CPNE8: variants seen among roughly 807,000 people sequenced by gnomAD.
CPNE8 encodes copine-8.
Under a neutral mutation model 81.5 loss-of-function variants are expected in CPNE8, and 45 were observed. The ratio of observed to expected loss-of-function variants is 0.55; its 90% confidence interval spans 0.44 to 0.71. The LOEUF (loss-of-function observed/expected upper bound fraction) is 0.71, where lower values mean the gene tolerates loss of function less well. Ranked by LOEUF, CPNE8 falls within the 30% of genes least tolerant of loss-of-function variation. The probability of loss-of-function intolerance (pLI) is 0.00; values close to 1 mark genes in which losing one functional copy is unlikely to be tolerated. For missense variants in CPNE8, 594 were observed against 672.1 expected (o/e 0.88, Z 1.28); for synonymous variants, 252 against 226.3 (o/e 1.11, Z -1.02).
At chr12:38,679,714 T>A (rs1430069227) in intron 16 of CPNE8, 1 of 984,300 alleles carries the variant, frequency 1.0e-6, no homozygotes, top group Non-Finnish European at 1.2e-6. Context: ...TGAAAGTAAA[T>A]CTAAATTTCA....
chr12:38,742,117 G>A (rs1474220171), intron 10 of CPNE8, among the ~76,000 whole-genome samples: 5 of 152,132 alleles, frequency 3.3e-5, no homozygotes, highest in Admixed American at 6.5e-5. Context: ...TCAGTGTGGC[G>A]ATTCCTTAGG....
chr12:38,728,279 A>G (rs1032219762), intron 11 of CPNE8, among the ~76,000 whole-genome samples: 1 of 152,208 alleles, frequency 6.6e-6, no homozygotes, highest in African/African-American at 2.4e-5. Context: ...TTTATTAAAC[A>G]AAATCTTTAA....
intron 3 of CPNE8, among the ~76,000 whole-genome samples, chr12:38,857,216 C>A (rs1346513462): frequency 1.3e-5 from 2 of 152,016 alleles, no homozygotes; most frequent in African/African-American, 4.8e-5. Flanking sequence ...ATTATTCATG[C>A]CAATGTAGCC....
intron 10 of CPNE8, 52 bp from the exon 11 acceptor site, chr12:38,730,410 CTG>C: frequency 3.8e-6 from 4 of 1,054,156 alleles, no homozygotes; most frequent in Middle Eastern, 2.1e-4. Flanking sequence ...TATTTGTCAA[CTG>C]TATTTTAAAG....
Position 38,670,731 on chromosome 12 carries a change from G to C in CPNE8, c.1504C>G (p.Gln502Glu). Reference protein sequence around the residue: ...RGKYAERDIVQFVPFRDYIDR... With the variant: ...RGKYAERDIVEFVPFRDYIDR... ...GTAGGAAAAGGTTTATTTCTTACCT[G>C]CACAATGTCTCTTTCAGCATATTTT... Residue 502 changes from glutamine to glutamate, a missense_variant and splice_region_variant, in exon 19 of 20, where the codon CAG (glutamine) becomes GAG (glutamate). Coordinates refer to ENST00000331366, the MANE Select transcript of CPNE8 (RefSeq NM_153634.3). The C allele has an allele frequency of 1.2e-6, 2 of 1,601,108 alleles. No homozygotes were observed. Among genetic ancestry groups the C allele is most frequent in the Non-Finnish European group, 1.7e-6 (2 of 1,170,898 alleles).
At chr12:38,677,119 G>A (rs1939307104) in intron 17 of CPNE8, among the ~76,000 whole-genome samples, 1 of 152,046 alleles carries the variant, frequency 6.6e-6, no homozygotes, top group Admixed American at 6.6e-5. Context: ...GAATGTAAAT[G>A]TTAAGAAATA....
intron 3 of CPNE8, among the ~76,000 whole-genome samples, chr12:38,866,535 TA>T (rs1943916038): frequency 6.6e-6 from 1 of 152,166 alleles, no homozygotes; most frequent in Non-Finnish European, 1.5e-5. Context: ...AGTATTTCTC[TA>T]AGACAAAAAT....
At chr12:38,898,381 A>G (rs1428945349) in intron 1 of CPNE8, among the ~76,000 whole-genome samples, 1 of 152,176 alleles carries the variant, frequency 6.6e-6, no homozygotes, top group African/African-American at 2.4e-5. Context: ...TCCCAGGACA[A>G]ATTTTACTGA....
At chr12:38,662,577 C>T (rs1938983159) in intron 19 of CPNE8, among the ~76,000 whole-genome samples, 1 of 152,060 alleles carries the variant, frequency 6.6e-6, no homozygotes, top group South Asian at 2.1e-4. Context: ...AAGCAATCTA[C>T]AGATTTAAAG....
intron 4 of CPNE8, among the ~76,000 whole-genome samples, chr12:38,842,330 A>G (rs1301319294): frequency 6.6e-6 from 1 of 152,176 alleles, no homozygotes; most frequent in African/African-American, 2.4e-5. Flanking sequence ...AACTCTGGAA[A>G]CTATCTTCTA....
rs548274858 is a variant in CPNE8, at chr12:38,713,525, G to A, written c.914+10247C>T. The stretch of plus-strand genomic sequence containing the variant: ...GTAAGATCGCAAATTGATAAAATCT[G>A]AGAGAGACAGATGTGAGGGTTTGCA... On this transcript the variant is annotated intron_variant, in intron 13 of 19. Coordinates refer to ENST00000331366, the MANE Select transcript of CPNE8 (RefSeq NM_153634.3). Among the ~76,000 whole-genome samples, 6 of 152,250 alleles carry A rather than the reference G, an allele frequency of 3.9e-5. No individual in the cohort carries two copies. In the South Asian group the frequency reaches 1.2e-3, roughly 32 times the overall value.
intron 13 of CPNE8, among the ~76,000 whole-genome samples, chr12:38,719,156 T>C (rs1312565280): frequency 6.6e-6 from 1 of 152,208 alleles, no homozygotes; most frequent in Non-Finnish European, 1.5e-5. Flanking sequence ...TATATCCTTT[T>C]ACAAATGGAC....
chr12:38,794,056 A>T (rs927905041), intron 6 of CPNE8, among the ~76,000 whole-genome samples: 7 of 152,260 alleles, frequency 4.6e-5, no homozygotes, highest in African/African-American at 1.7e-4. Flanking sequence ...TATACACAAA[A>T]ATAAACTCAA....
In CPNE8 at chr12:38,874,568, T is replaced by C. The variant is rs572964655; in HGVS notation, c.99-57A>G. ...TATAAAAGCAAAATATTTATATTTATATAGACATATTAAAATGTGTATGTA... is the reference window on the plus strand; with the variant it reads ...TATAAAAGCAAAATATTTATATTTACATAGACATATTAAAATGTGTATGTA... On this transcript the variant is annotated intron_variant, in intron 1 of 19. Transcript: ENST00000331366. 1,735 of 1,079,864 alleles carry C rather than the reference T, an allele frequency of 1.6e-3. 1 individual carries two copies. The highest frequency in any genetic ancestry group is 2.1e-3 in the Non-Finnish European group (1,529 of 719,638). 66.9% of individuals were successfully genotyped at this position (1,079,864 alleles called of 1,614,324 possible).
intron 1 of CPNE8, among the ~76,000 whole-genome samples, chr12:38,890,195 C>T (rs1003586257): frequency 6.6e-6 from 1 of 151,938 alleles, no homozygotes; most frequent in Non-Finnish European, 1.5e-5. Context: ...AATTTTATAG[C>T]TATAGCCACT....
chr12:38,724,088 A>T (rs1039854953), intron 12 of CPNE8, among the ~76,000 whole-genome samples: 2 of 152,150 alleles, frequency 1.3e-5, no homozygotes, highest in Non-Finnish European at 2.9e-5. Flanking sequence ...ATCTACAAGG[A>T]CATTGTGTTA....
chr12:38,768,677 G>T (rs1408753111), intron 7 of CPNE8, among the ~76,000 whole-genome samples: 1 of 150,948 alleles, frequency 6.6e-6, no homozygotes, highest in South Asian at 2.1e-4. Context: ...ACGCTGCCAC[G>T]CCCGGCTAAT....
At chr12:38,844,572 G>T (rs1395937622) in intron 4 of CPNE8, among the ~76,000 whole-genome samples, 2 of 152,018 alleles carry the variant, frequency 1.3e-5, no homozygotes, top group Non-Finnish European at 2.9e-5. Flanking sequence ...AGCCGATAAG[G>T]TAATCTTGAA....
At chr12:38,745,028 T>C (rs1941196419) in intron 10 of CPNE8, among the ~76,000 whole-genome samples, 1 of 152,222 alleles carries the variant, frequency 6.6e-6, no homozygotes, top group Admixed American at 6.5e-5. Flanking sequence ...ATGTGCCTGA[T>C]TCTGAGTCAG....
Sources: gnomAD v4.1 joint callset for allele counts (sites outside exome capture counted in the v4.1 genomes callset) on GRCh38, gnomAD v4.1.1 for gene constraint, MANE v1.5 for transcripts, NCBI Gene and HGNC (gene_info 2026-07-23, HGNC 2026-07-21) for gene names.